CCNB3: variants seen among roughly 807,000 people sequenced by gnomAD.
CCNB3 encodes G2/mitotic-specific cyclin-B3.
Under a neutral mutation model 68.0 loss-of-function variants are expected in CCNB3, and 12 were observed. That is an observed-to-expected ratio of 0.18 (90% CI 0.11 to 0.29). CCNB3 has a LOEUF of 0.29. Ranked by LOEUF, CCNB3 falls within the 10% of genes least tolerant of loss-of-function variation. The pLI, the probability that CCNB3 is intolerant of heterozygous loss-of-function variation, is 1.00. For missense variants in CCNB3, 904 were observed against 993.1 expected (o/e 0.91, Z 1.21); for synonymous variants, 354 against 388.9 (o/e 0.91, Z 1.06).
At chrX:50,346,627 C>T (rs371216958) in intron 9 of CCNB3, 25 bp from the exon 10 acceptor site, 1 of 1,189,488 alleles carries the variant, frequency 8.4e-7, no homozygotes, top group African/African-American at 1.8e-5. Context: ...GTCTGGTTGT[C>T]ACCTCCTCTC....
intron 1 of CCNB3, among the ~76,000 whole-genome samples, chrX:50,220,978 G>A (rs1216875969): frequency 3.6e-5 from 4 of 111,107 alleles, no homozygotes; most frequent in Admixed American, 9.6e-5. Context: ...TCAGGGATTC[G>A]ATTTCTTCCT....
intron 8 of CCNB3, among the ~76,000 whole-genome samples, chrX:50,334,494 T>C (rs1233398547): frequency 1.8e-5 from 2 of 112,709 alleles, no homozygotes; most frequent in Non-Finnish European, 3.8e-5. Flanking sequence ...TTAGTTTATC[T>C]GCTTCTTGTG....
intron 1 of CCNB3, among the ~76,000 whole-genome samples, chrX:50,216,688 T>C (rs1444654433): frequency 8.9e-6 from 1 of 112,149 alleles, no homozygotes; most frequent in African/African-American, 3.2e-5. Context: ...TTTTATTTTT[T>C]GTTTTCTGGT....
At chrX:50,339,402 C>T (rs1317326309) in intron 8 of CCNB3, among the ~76,000 whole-genome samples, 1 of 112,450 alleles carries the variant, frequency 8.9e-6, no homozygotes, top group Non-Finnish European at 1.9e-5. Context: ...ATGCATTTAT[C>T]TCATTGAGCA....
At chrX:50,279,433 A>AAT (rs1266753549) in intron 1 of CCNB3, among the ~76,000 whole-genome samples, 1,192 of 74,929 alleles carry the variant, frequency 0.016, 35 homozygotes, top group African/African-American at 0.072. Context: ...AATATATATA[A>AAT]ATATATATAT....
chrX:50,312,922 A>G (rs1182149700), intron 7 of CCNB3, among the ~76,000 whole-genome samples: 2 of 110,852 alleles, frequency 1.8e-5, no homozygotes, highest in Non-Finnish European at 3.8e-5. Context: ...TGAGATATGA[A>G]CTAAAGTCTG....
rs782485343 is a variant in CCNB3 at position 50,340,030 on chromosome X, C to T, written c.3517-2172C>T. Among the ~76,000 whole-genome samples the T allele has an allele frequency of 5.4e-5, 6 of 112,021 alleles. No homozygotes were observed. In the East Asian group the frequency reaches 1.7e-3, roughly 32 times the overall value. ...AACAGGTTTCTGAGTAGATCCAAGG[C>T]CATATTCCAGAAACAGTAAGAACTG... On this transcript the variant is annotated intron_variant, in intron 8 of 12. Coordinates refer to ENST00000376042, the MANE Select transcript of CCNB3 (RefSeq NM_033031.3).
At chrX:50,227,319 AATATATATAAATATACACACAGAAT>A (rs1935887928) in intron 1 of CCNB3, among the ~76,000 whole-genome samples, 1 of 86,479 alleles carries the variant, frequency 1.2e-5, no homozygotes, top group African/African-American at 4.3e-5. Flanking sequence ...ATACATACAG[AATATATATAAATATACACACAGAAT>A]ATATATATAA....
chrX:50,203,530 A>G (rs1340517567), upstream of CCNB3, among the ~76,000 whole-genome samples: 1 of 112,438 alleles, frequency 8.9e-6, no homozygotes, highest in Non-Finnish European at 1.9e-5. Context: ...TTTTCCTGCC[A>G]TGAGAGTACA....
rs910789791 is a variant in CCNB3 at position 50,279,708 on chromosome X, G to A, written c.-112-4834G>A. Among the ~76,000 whole-genome samples, 40 of 88,592 alleles carry A rather than the reference G, an allele frequency of 4.5e-4. 1 individual carries two copies. Among genetic ancestry groups the A allele is most frequent in the African/African-American group, 1.4e-3 (35 of 24,429 alleles). 76.9% of individuals were successfully genotyped at this position (88,592 alleles called of 115,157 possible). A position where few individuals can be genotyped will look rare whatever the true frequency, so the allele number is the denominator to read the frequency against. On this transcript the variant is annotated intron_variant, in intron 1 of 12. Coordinates refer to ENST00000376042, the MANE Select transcript of CCNB3 (RefSeq NM_033031.3). ...TCTATGCAAACATATATGTGAATAT[G>A]TATATTCATATATGTAAATATATAT... is the stretch of plus-strand genomic sequence containing the variant.
intron 11 of CCNB3, among the ~76,000 whole-genome samples, chrX:50,348,216 A>G (rs1923499333): frequency 9.0e-6 from 1 of 111,582 alleles, no homozygotes. Flanking sequence ...GTCTGTGTCT[A>G]CAAAAGTGGC....
intron 1 of CCNB3, among the ~76,000 whole-genome samples, chrX:50,280,041 C>T (rs1161405153): frequency 2.9e-5 from 1 of 34,783 alleles, no homozygotes; most frequent in East Asian, 7.3e-4. Flanking sequence ...AATATATAGA[C>T]AGAATATATA....
chrX:50,227,647 A>G (rs980659212), intron 1 of CCNB3, among the ~76,000 whole-genome samples: 18 of 94,168 alleles, frequency 1.9e-4, no homozygotes, highest in African/African-American at 6.4e-4. Flanking sequence ...ATATATAGAG[A>G]GAATATATAT....
intron 1 of CCNB3, among the ~76,000 whole-genome samples, chrX:50,226,499 AATATATATATAGAATATATAG>A (rs1935811762): frequency 6.7e-5 from 3 of 44,796 alleles, no homozygotes; most frequent in South Asian, 1.1e-3. Context: ...AATATATAAA[AATATATATATAGAATATATAG>A]ATATATATAT....
intron 9 of CCNB3, among the ~76,000 whole-genome samples, chrX:50,342,849 G>A (rs1432954418): frequency 9.1e-6 from 1 of 110,345 alleles, no homozygotes; most frequent in East Asian, 2.9e-4. Flanking sequence ...TAGGACTATA[G>A]GCATGCACCA....
intron 5 of CCNB3, among the ~76,000 whole-genome samples, chrX:50,299,750 A>T (rs1414276284): frequency 9.0e-6 from 1 of 110,649 alleles, no homozygotes; most frequent in Non-Finnish European, 1.9e-5. Flanking sequence ...GTCTCCCATT[A>T]TTATTGTGTG....
chrX:50,334,839 G>T (rs1437837958), intron 8 of CCNB3, among the ~76,000 whole-genome samples: 6 of 112,247 alleles, frequency 5.3e-5, no homozygotes, highest in African/African-American at 1.9e-4. Flanking sequence ...TCCATAATCT[G>T]CAGAACCCCA....
chrX:50,292,509 A>T (rs1383304518), intron 4 of CCNB3, among the ~76,000 whole-genome samples: 1 of 111,332 alleles, frequency 9.0e-6, no homozygotes, highest in East Asian at 2.8e-4. Context: ...GAGGCACAGG[A>T]TGTCTGTCTT....
At chrX:50,291,836 G>A (rs782150139) in intron 4 of CCNB3, among the ~76,000 whole-genome samples, 13 of 111,771 alleles carry the variant, frequency 1.2e-4, no homozygotes, top group Non-Finnish European at 2.4e-4. Context: ...AGCAGAGGTA[G>A]ATGACTTGAG....
Sources: gnomAD v4.1 joint callset for allele counts (sites outside exome capture counted in the v4.1 genomes callset) on GRCh38, gnomAD v4.1.1 for gene constraint, MANE v1.5 for transcripts, NCBI Gene and HGNC (gene_info 2026-07-23, HGNC 2026-07-21) for gene names.